Variants in PLEKHG5 observed in about 807,000 individuals in gnomAD.
The protein encoded by PLEKHG5 is pleckstrin homology and RhoGEF domain containing G5.
In PLEKHG5, 52 loss-of-function variants were observed where a neutral mutation model predicts 103.8. That is an observed-to-expected ratio of 0.50 (90% CI 0.40 to 0.63). The LOEUF (loss-of-function observed/expected upper bound fraction) is 0.63. PLEKHG5 is among the 30% of genes least tolerant of loss of function. The pLI, the probability that PLEKHG5 is intolerant of heterozygous loss-of-function variation, is 0.00. For missense variants in PLEKHG5, 1,205 were observed against 1,347.6 expected, an observed-to-expected ratio of 0.89 and a Z score of 1.66; for synonymous variants, 592 against 575.5, an observed-to-expected ratio of 1.03 and a Z score of -0.41.
chr1:6,496,736 GTTTGCAGAGCCCT>G, upstream of PLEKHG5: 1 of 564,842 alleles, frequency 1.8e-6, no homozygotes, highest in Non-Finnish European at 3.1e-6. Flanking sequence ...ACGGGAATCC[GTTTGCAGAGCCCT>G]TTTCTCCTGC....
At chr1:6,479,596 T>C (rs1001091785) in intron 1 of PLEKHG5, among the ~76,000 whole-genome samples, 5 of 151,672 alleles carry the variant, frequency 3.3e-5, no homozygotes, top group Admixed American at 6.6e-5. Flanking sequence ...TTGTTTTTTG[T>C]GGTCTTTTAT....
chr1:6,495,328 C>G (rs1326651017), upstream of PLEKHG5, among the ~76,000 whole-genome samples: 1 of 152,244 alleles, frequency 6.6e-6, no homozygotes, highest in Non-Finnish European at 1.5e-5. Flanking sequence ...CGCCCCCTCC[C>G]CGCCCCGCCC....
chr1:6,503,657 G>A (rs570203846), intron 1 of PLEKHG5, among the ~76,000 whole-genome samples: 24 of 152,238 alleles, frequency 1.6e-4, no homozygotes, highest in Admixed American at 2.6e-4. Flanking sequence ...TGATCCACCC[G>A]CCTCGGCCTA....
chr1:6,468,613 C>T (rs1644468406), intron 19 of PLEKHG5, 27 bp from the exon 20 acceptor site: 2 of 1,612,512 alleles, frequency 1.2e-6, no homozygotes, highest in South Asian at 2.2e-5. Context: ...AGAGTCAGCC[C>T]AGGCCATGAA....
intron 1 of PLEKHG5, among the ~76,000 whole-genome samples, chr1:6,508,997 G>A (rs1296223622): frequency 1.3e-5 from 2 of 152,178 alleles, no homozygotes; most frequent in Non-Finnish European, 2.9e-5. Flanking sequence ...AGCGCCTCTC[G>A]AAGTCACTGC....
At chr1:6,489,459 A>G (rs6663122) in intron 1 of PLEKHG5, among the ~76,000 whole-genome samples, 23,265 of 152,226 alleles carry the variant, frequency 0.15, 1,964 homozygotes, top group East Asian at 0.25. Flanking sequence ...CCTGGAAGCC[A>G]GGAAGGCCCC....
intron 1 of PLEKHG5, among the ~76,000 whole-genome samples, chr1:6,515,760 T>C (rs1213881347): frequency 6.6e-6 from 1 of 152,200 alleles, no homozygotes; most frequent in Non-Finnish European, 1.5e-5. Flanking sequence ...GTGTATCCTC[T>C]GGACACCACC....
At chr1:6,475,725 G>C (rs1362591358) in intron 3 of PLEKHG5, among the ~76,000 whole-genome samples, 1 of 152,206 alleles carries the variant, frequency 6.6e-6, no homozygotes, top group Non-Finnish European at 1.5e-5. Context: ...ACCTGGTCTG[G>C]TGTGGGCTAG....
intron 1 of PLEKHG5, among the ~76,000 whole-genome samples, chr1:6,488,206 T>G (rs539214135): frequency 1.1e-4 from 16 of 152,314 alleles, no homozygotes; most frequent in Admixed American, 8.5e-4. Flanking sequence ...TTCCAGGCAG[T>G]GAATCCCATT....
intron 1 of PLEKHG5, among the ~76,000 whole-genome samples, chr1:6,510,503 T>C (rs1023075633): frequency 1.3e-5 from 2 of 151,584 alleles, no homozygotes; most frequent in Admixed American, 6.6e-5. Flanking sequence ...AGGCAGAGAA[T>C]TGCTTTAACC....
chr1:6,469,741 C>T (rs1644512358), intron 16 of PLEKHG5, 65 bp from the exon 17 acceptor site: 9 of 1,552,922 alleles, frequency 5.8e-6, no homozygotes, highest in Non-Finnish European at 8.0e-6. Context: ...ACTGTGGCAC[C>T]AGCCTCCCCT....
chr1:6,501,216 G>A (rs529014781), upstream of PLEKHG5, among the ~76,000 whole-genome samples: 22 of 151,962 alleles, frequency 1.4e-4, no homozygotes, highest in African/African-American at 4.6e-4. The surrounding 1 kb of genome is among the most constrained non-coding windows in gnomAD (Gnocchi z 4.3). Flanking sequence ...CCACTCCGTC[G>A]CCCCACCGCA....
At chr1:6,470,121 G>A (rs1170714738) in intron 16 of PLEKHG5, 115 bp downstream of exon 16, 1 of 1,172,206 alleles carries the variant, frequency 8.5e-7, no homozygotes, top group Non-Finnish European at 1.2e-6. Context: ...ACTATGACAA[G>A]GTCACTGGTT....
chr1:6,469,981 C>A (rs1644518231), intron 16 of PLEKHG5, among the ~76,000 whole-genome samples: 1 of 152,194 alleles, frequency 6.6e-6, no homozygotes, highest in Admixed American at 6.5e-5. Flanking sequence ...GGGTTCCTGG[C>A]CCACTTGTGG....
chr1:6,504,521 C>T lies in PLEKHG5; in HGVS notation c.-164-7952G>A, dbSNP rs191352858. Reference sequence around the variant, plus strand: ...GGGACGCCTGGCCTTCATGCCCACCCGGCATCGTCCTCTCTCCTGGGAGCA... The same window carrying T: ...GGGACGCCTGGCCTTCATGCCCACCTGGCATCGTCCTCTCTCCTGGGAGCA... On this transcript the variant is annotated intron_variant, in intron 1 of 21. Coordinates refer to the PLEKHG5 transcript ENST00000377740. Among the ~76,000 whole-genome samples the T allele has an allele frequency of 3.9e-3, 587 of 152,242 alleles. 1 individual carries two copies. The highest frequency in any genetic ancestry group is 9.7e-3 in the African/African-American group (404 of 41,556).
intron 1 of PLEKHG5, among the ~76,000 whole-genome samples, chr1:6,489,087 C>T (rs898475684): frequency 5.3e-5 from 8 of 152,194 alleles, no homozygotes; most frequent in African/African-American, 1.2e-4. Flanking sequence ...CGACAGCAGA[C>T]GGGCCTGGAA....
At position 6,471,620 on chromosome 1, in the gene PLEKHG5, C is replaced by T. The variant is rs1417218023; in HGVS notation, c.1149G>A (p.Leu383=). ...GLLCEVEAER[L]FSNIPEIAQL... is the part of the protein sequence containing the mutation. ...GCGCGATCTCCGGGATGTTGCTGAA[C>T]AGGCGCTCCGCCTCCACCTGGGCGC... is the stretch of plus-strand genomic sequence containing the variant. The change falls in exon 12 of 21, where the codon CTG becomes CTA. Residue 383 remains leucine, a synonymous_variant. Transcript: ENST00000377728. 1 of 1,590,526 alleles carries T rather than the reference C, an allele frequency of 6.3e-7. No individual in the cohort carries two copies. The highest frequency in any genetic ancestry group is 8.6e-7 in the Non-Finnish European group (1 of 1,169,416).
At chr1:6,479,179 A>G (rs916796233) in intron 1 of PLEKHG5, among the ~76,000 whole-genome samples, 2 of 151,670 alleles carry the variant, frequency 1.3e-5, no homozygotes, top group Non-Finnish European at 2.9e-5. Flanking sequence ...TATAGTCTAT[A>G]TTGACATTTT....
In PLEKHG5 at chr1:6,467,528, C is replaced by G; in HGVS notation, c.*35G>C. 1 of 1,610,844 alleles carries G rather than the reference C, an allele frequency of 6.2e-7. No homozygotes were observed. Among genetic ancestry groups the G allele is most frequent in the Non-Finnish European group, 8.5e-7 (1 of 1,177,424 alleles). ...CCAGGAGGCAGGCTGTCTGCTGTCT[C>G]TTGGTCAATGGCACTCTTGGGGGCC... On this transcript the variant is annotated 3_prime_UTR_variant, in exon 21 of 21. Transcript: ENST00000377728.
Sources: gnomAD v4.1 joint callset for allele counts (sites outside exome capture counted in the v4.1 genomes callset) on GRCh38, gnomAD v4.1.1 for gene constraint, Gnocchi (gnomAD v3.1) non-coding constraint, MANE v1.5 for transcripts, NCBI Gene and HGNC (gene_info 2026-07-23, HGNC 2026-07-21) for gene names.